MCTP1: variants seen among roughly 807,000 people sequenced by gnomAD.
The protein encoded by MCTP1 is multiple C2 and transmembrane domain-containing protein 1.
A neutral mutation model predicts 120.6 loss-of-function variants in MCTP1; 69 were observed. That is an observed-to-expected ratio of 0.57 (90% CI 0.47 to 0.70). The LOEUF is 0.70. MCTP1 is among the 30% of genes least tolerant of loss of function. The probability of loss-of-function intolerance (pLI) is 0.00; values close to 1 mark genes in which losing one functional copy is unlikely to be tolerated. For synonymous variants in MCTP1, 529 were observed against 493.1 expected (o/e 1.07, Z -0.96); for missense variants, 1,203 against 1,248.8 (o/e 0.96, Z 0.55).
chr5:95,281,486 C>T (rs1760310741), intron 1 of MCTP1, among the ~76,000 whole-genome samples: 2 of 152,200 alleles, frequency 1.3e-5, no homozygotes, highest in South Asian at 4.1e-4. Flanking sequence ...ACAGAGAAAT[C>T]TCTCCACTTC....
At chr5:95,041,917 C>T (rs1030918197) in intron 1 of MCTP1, among the ~76,000 whole-genome samples, 13 of 152,188 alleles carry the variant, frequency 8.5e-5, no homozygotes, top group Admixed American at 5.2e-4. Flanking sequence ...TTTCCAACTC[C>T]GCATCCTTCA....
chr5:94,906,168 CTGACTA>C (rs1339041666), intron 10 of MCTP1, among the ~76,000 whole-genome samples: 6 of 152,042 alleles, frequency 3.9e-5, no homozygotes, highest in Non-Finnish European at 8.8e-5. Flanking sequence ...GGGCAAATGC[CTGACTA>C]TATTAGTTCA....
chr5:94,822,686 GTTC>G (rs999528966), intron 17 of MCTP1, among the ~76,000 whole-genome samples: 3 of 152,162 alleles, frequency 2.0e-5, no homozygotes, highest in East Asian at 1.9e-4. Flanking sequence ...GTGTAAAAGT[GTTC>G]TTATTTCTCC....
At chr5:95,178,355 C>T (rs984796219) in intron 1 of MCTP1, among the ~76,000 whole-genome samples, 37 of 152,342 alleles carry the variant, frequency 2.4e-4, no homozygotes, top group African/African-American at 7.9e-4. Context: ...GCAGCTGATA[C>T]GCTCTGGAAA....
chr5:94,953,803 A>G (rs1439550725), intron 2 of MCTP1, among the ~76,000 whole-genome samples: 3 of 118,036 alleles, frequency 2.5e-5, no homozygotes, highest in Non-Finnish European at 5.1e-5. Context: ...GCATATATAT[A>G]CATATATATA....
At chr5:95,276,430 G>A (rs1759840775) in intron 1 of MCTP1, among the ~76,000 whole-genome samples, 1 of 150,808 alleles carries the variant, frequency 6.6e-6, no homozygotes, top group Admixed American at 6.6e-5. Context: ...GCTAATTTTT[G>A]TATTTTTAGT....
intron 1 of MCTP1, among the ~76,000 whole-genome samples, chr5:95,232,524 T>C (rs561596322): frequency 2.0e-5 from 3 of 150,494 alleles, no homozygotes; most frequent in East Asian, 4.0e-4. Context: ...AGTGGCCCCA[T>C]CTTGGCTCAC....
chr5:94,858,905 T>C (rs536217430), intron 17 of MCTP1, among the ~76,000 whole-genome samples: 1 of 151,852 alleles, frequency 6.6e-6, no homozygotes, highest in South Asian at 2.1e-4. Flanking sequence ...CCACTGAATC[T>C]ACTTTCTCCA....
At chr5:94,855,225 C>T (rs153849) in intron 17 of MCTP1, among the ~76,000 whole-genome samples, 129,236 of 151,720 alleles carry the variant, frequency 0.85, 55,635 homozygotes, top group East Asian at 0.98. Context: ...AGTCTATTTG[C>T]ACCCATTCAG....
intron 1 of MCTP1, among the ~76,000 whole-genome samples, chr5:95,206,648 C>T (rs1339002102): frequency 6.6e-6 from 1 of 152,150 alleles, no homozygotes. Flanking sequence ...AATTTTCCTG[C>T]CTCAGCCTCC....
intron 3 of MCTP1, among the ~76,000 whole-genome samples, chr5:94,947,571 TATA>T (rs1819300574): frequency 2.0e-5 from 1 of 50,176 alleles, no homozygotes; most frequent in Non-Finnish European, 3.7e-5. Flanking sequence ...TATATATATA[TATA>T]TATAGAGAGA....
chr5:95,212,150 A>G (rs1354005520), intron 1 of MCTP1, among the ~76,000 whole-genome samples: 3 of 152,130 alleles, frequency 2.0e-5, no homozygotes, highest in Non-Finnish European at 4.4e-5. Flanking sequence ...AGAGAGAAAA[A>G]TCAAATAGAC....
At chr5:94,784,788 C>T (rs1332352103) in intron 18 of MCTP1, 1 of 151,124 alleles carries the variant, frequency 6.6e-6, no homozygotes, top group African/African-American at 2.4e-5. Flanking sequence ...TATTGCAGTA[C>T]AAAAGAAGGC....
At position 95,248,197 on chromosome 5, in the gene MCTP1, A is replaced by C. The variant is rs868082838; in HGVS notation, c.720+35659T>G. ...GGGCAATCAGGCAAGAGAAAGAAAT[A>C]AAGGGTATTCGACTAGGAAAAGAGG... is the stretch of plus-strand genomic sequence containing the variant. On this transcript the variant is annotated intron_variant, in intron 1 of 22. Transcript: ENST00000515393. 7.9e-5 allele frequency among the ~76,000 whole-genome samples: 12 copies of C among 152,324 alleles called. No homozygotes were observed. The South Asian group carries it at 1.9e-3, about 24-fold the overall frequency.
intron 12 of MCTP1, among the ~76,000 whole-genome samples, chr5:94,874,088 ATTTG>A (rs1305630917): frequency 6.6e-6 from 1 of 152,048 alleles, no homozygotes; most frequent in East Asian, 1.9e-4. Flanking sequence ...GCAGCATGTA[ATTTG>A]TTTGATACCT....
intron 1 of MCTP1, among the ~76,000 whole-genome samples, chr5:95,158,870 G>A (rs535388738): frequency 6.6e-6 from 1 of 152,180 alleles, no homozygotes; most frequent in African/African-American, 2.4e-5. Context: ...GCAGTGAGCT[G>A]AGATCACACC....
chr5:95,254,479 TA>T (rs1757680407), intron 1 of MCTP1, among the ~76,000 whole-genome samples: 1 of 152,132 alleles, frequency 6.6e-6, no homozygotes, highest in Non-Finnish European at 1.5e-5. Context: ...ACCTACATCT[TA>T]CCCACAAGCT....
At chr5:94,864,095 GT>G (rs1581094851) in intron 17 of MCTP1, among the ~76,000 whole-genome samples, 1 of 151,866 alleles carries the variant, frequency 6.6e-6, no homozygotes, top group African/African-American at 2.4e-5. Context: ...GGAATTCTTG[GT>G]TTTGACACAA....
intron 1 of MCTP1, among the ~76,000 whole-genome samples, chr5:95,220,335 C>CT (rs554157258): frequency 0.14 from 20,315 of 142,546 alleles, 1,517 homozygotes; most frequent in Non-Finnish European, 0.18. Context: ...TTTCTTCTTC[C>CT]TTTTTTTTTT....
Sources: allele counts gnomAD v4.1 joint callset (sites outside exome capture counted in the v4.1 genomes callset), GRCh38; gene constraint gnomAD v4.1.1; transcripts MANE v1.5; gene names NCBI Gene and HGNC (gene_info 2026-07-23, HGNC 2026-07-21).